The following VEGFA variants were observed in gnomAD, a reference collection of about 807,000 sequenced individuals.
VEGFA encodes vascular endothelial growth factor A, long form.
VEGFA carries 20 observed loss-of-function variants against 49.7 expected under a neutral mutation model. The observed-to-expected ratio is 0.40, with a 90% CI of 0.28 to 0.58. The LOEUF (loss-of-function observed/expected upper bound fraction) is 0.58. Among genes scored for constraint, VEGFA ranks in the 20% least tolerant of loss-of-function variants. The pLI is 0.40. For synonymous variants in VEGFA, 219 were observed against 223.4 expected, an observed-to-expected ratio of 0.98 and a Z score of 0.18; for missense variants, 505 against 553.5, an observed-to-expected ratio of 0.91 and a Z score of 0.88.
chr6:43,770,719 C>CA lies in VEGFA; in HGVS notation c.14dup (p.Thr6AspfsTer79), dbSNP rs1308919157. On this transcript the variant is annotated frameshift_variant, in exon 1 of 8. Transcript: ENST00000672860. LOFTEE classifies it high-confidence loss of function. The stretch of plus-strand genomic sequence containing the variant: ...CTGACCAGTCGCGCTGACGGACAGA[C>CA]AGACAGACACCGCCCCCAGCCCCAG... The CA allele has an allele frequency of 3.2e-6, 5 of 1,544,492 alleles. No homozygotes were observed. Among genetic ancestry groups the CA allele is most frequent in the African/African-American group, 1.4e-5 (1 of 70,510 alleles).
chr6:43,780,703 C>CTCTCTG (rs1441574540), intron 5 of VEGFA, 29 bp from the exon 6 acceptor site: 1 of 1,609,392 alleles, frequency 6.2e-7, no homozygotes, highest in Non-Finnish European at 8.5e-7. Flanking sequence ...CCCCCGCTCT[C>CTCTCTG]TCTCTGTCTC....
rs1582544722 is a variant in VEGFA at position 43,784,734 on chromosome 6, G to A, written c.*172G>A. 9.2e-6 allele frequency: 12 copies of A among 1,298,952 alleles called. No homozygotes were observed. The highest frequency in any genetic ancestry group is 7.3e-5 in the South Asian group (6 of 81,738). 80.5% of individuals were successfully genotyped at this position (1,298,952 alleles called of 1,614,324 possible). On this transcript the variant is annotated 3_prime_UTR_variant, in exon 8 of 8. Transcript: ENST00000672860. Reference sequence around the variant, plus strand: ...GAAATGAAGGAAGAGGAGACTCTGCGCAGAGCACTTTGGGTCCGGAGGGCG... The same window carrying A: ...GAAATGAAGGAAGAGGAGACTCTGCACAGAGCACTTTGGGTCCGGAGGGCG...
chr6:43,770,984 A>C lies in VEGFA; in HGVS notation c.278A>C (p.Glu93Ala), dbSNP rs1763346327. The change falls in exon 1 of 8, where the codon GAG (glutamate) becomes GCG (alanine). Residue 93 changes from glutamate (E) to alanine (A), a missense_variant. Coordinates refer to ENST00000672860, the MANE Select transcript of VEGFA (RefSeq NM_003376.6). ...TCGGGCCGGGAGGAGCCGCAGCCGGAGGAGGGGGAGGAGGAAGAAGAGAAG... is the reference window on the plus strand; with the variant it reads ...TCGGGCCGGGAGGAGCCGCAGCCGGCGGAGGGGGAGGAGGAAGAAGAGAAG... 1 of 1,541,984 alleles carries C rather than the reference A, an allele frequency of 6.5e-7. No homozygotes were observed.
chr6:43,781,754 G>T, intron 6 of VEGFA: 1 of 614,342 alleles, frequency 1.6e-6, no homozygotes, highest in Non-Finnish European at 2.9e-6. Flanking sequence ...TCTTCCTGCG[G>T]CAGGTGTCCT....
At chr6:43,774,577 A>AG in intron 2 of VEGFA, 185 bp downstream of exon 2, 1 of 688,980 alleles carries the variant, frequency 1.5e-6, no homozygotes, top group Non-Finnish European at 2.6e-6. Context: ...TCCGCTGTTC[A>AG]GGTCTCTGCT....
chr6:43,782,733 C>T (rs2128054929), intron 7 of VEGFA: 1 of 164,054 alleles, frequency 6.1e-6, no homozygotes. Context: ...GACTGAGGCT[C>T]CCTCAGGCCA....
At chr6:43,771,551 C>A (rs1211565253) in intron 1 of VEGFA, among the ~76,000 whole-genome samples, 1 of 152,136 alleles carries the variant, frequency 6.6e-6, no homozygotes, top group Non-Finnish European at 1.5e-5. Flanking sequence ...CCGGAGTCAC[C>A]GCACGTACGA....
chr6:43,781,951 T>C lies in VEGFA; in HGVS notation c.1035-5T>C, dbSNP rs1481788808. Reference sequence around the variant, plus strand: ...TTAGATGTCTTTCCTTTTGCCTTTTTGCAGTCCCTGTGGGCCTTGCTCAGA... The same window carrying C: ...TTAGATGTCTTTCCTTTTGCCTTTTCGCAGTCCCTGTGGGCCTTGCTCAGA... On this transcript the variant is annotated splice_polypyrimidine_tract_variant and splice_region_variant and intron_variant, in intron 6 of 7. Transcript: ENST00000672860. 6.2e-7 allele frequency: 1 copy of C among 1,613,964 alleles called. No homozygotes were observed. Among genetic ancestry groups the C allele is most frequent in the Admixed American group, 1.7e-5 (1 of 60,028 alleles).
chr6:43,782,705 G>A lies in VEGFA; in HGVS notation c.1166+618G>A, dbSNP rs574488567. On this transcript the variant is annotated intron_variant, in intron 7 of 7. Transcript: ENST00000672860. ...CCCCTCCGACCTGGGCTCCCTGATA[G>A]GGCTGTCTCCCCGCTCAGACTGAGG... 3.5e-5 allele frequency: 6 copies of A among 173,746 alleles called. No homozygotes were observed. In the South Asian group the frequency reaches 8.1e-4, roughly 23 times the overall value. 10.8% of individuals were successfully genotyped at this position (173,746 alleles called of 1,614,324 possible).
At position 43,777,369 on chromosome 6, in the gene VEGFA, C is replaced by A; in HGVS notation, c.659-100C>A. ...AGATTTTGGAAGGACTTGCCTGATT[C>A]GGAAGCTCCAAAGAGTGGCATTACA... On this transcript the variant is annotated intron_variant, in intron 2 of 7. Transcript: ENST00000672860. The surrounding 1 kb of genome is among the most constrained non-coding windows in gnomAD (Gnocchi z 4.3). 1 of 1,375,690 alleles carries A rather than the reference C, an allele frequency of 7.3e-7. No individual in the cohort carries two copies. Among genetic ancestry groups the A allele is most frequent in the Non-Finnish European group, 1.0e-6 (1 of 979,270 alleles). 85.2% of individuals were successfully genotyped at this position (1,375,690 alleles called of 1,614,324 possible).
Position 43,770,489 on chromosome 6 carries a change from C to T in VEGFA, c.-218C>T. 1.8e-6 allele frequency: 2 copies of T among 1,105,426 alleles called. No homozygotes were observed. The highest frequency in any genetic ancestry group is 2.3e-6 in the Non-Finnish European group (2 of 857,032). The allele number at this position is 1,105,426 out of a possible 1,614,324, so 68.5% of individuals were successfully genotyped here. On this transcript the variant is annotated 5_prime_UTR_variant, in exon 1 of 8. Coordinates refer to ENST00000672860, the MANE Select transcript of VEGFA (RefSeq NM_003376.6). ...CGGCTTGGGGAGATTGCTCTACTTC[C>T]CCAAATCACTGTGGATTTTGGAAAC...
In VEGFA at chr6:43,779,712, G is replaced by A. The variant is rs3025008; in HGVS notation, c.962+794G>A. The A allele has an allele frequency of 7.7e-4, 363 of 469,928 alleles. 2 individuals are homozygous for A. The highest frequency in any genetic ancestry group is 6.7e-3 in the African/African-American group (342 of 50,720). 29.1% of individuals were successfully genotyped at this position (469,928 alleles called of 1,614,324 possible). On this transcript the variant is annotated intron_variant, in intron 5 of 7. Coordinates refer to ENST00000672860, the MANE Select transcript of VEGFA (RefSeq NM_003376.6). ...CCTCAGCTCCCAGCTTCCAGAGCGA[G>A]GGGATGCGGAAACCTTCCTTCCACC...
rs541861422 is a variant in VEGFA at position 43,777,129 on chromosome 6, G to C, written c.659-340G>C. The C allele has an allele frequency of 1.3e-5, 5 of 399,752 alleles. No homozygotes were observed. Among genetic ancestry groups the C allele is most frequent in the South Asian group, 1.1e-4 (5 of 47,398 alleles). 24.8% of individuals were successfully genotyped at this position (399,752 alleles called of 1,614,324 possible). On this transcript the variant is annotated intron_variant, in intron 2 of 7. Coordinates refer to ENST00000672860, the MANE Select transcript of VEGFA (RefSeq NM_003376.6). The surrounding 1 kb of genome is among the most constrained non-coding windows in gnomAD (Gnocchi z 4.3). ...TAGGGAAAGCTTAGAGCATCCCCAT[G>C]GGGTATACCCATACTCAGACTGTCC...
intron 2 of VEGFA, chr6:43,776,250 T>C (rs769114563): frequency 6.6e-6 from 1 of 152,228 alleles, no homozygotes; most frequent in South Asian, 2.1e-4. Context: ...CCCAAGGTCA[T>C]ACCAACTCAT....
chr6:43,778,826 C>T (rs1167418383), intron 4 of VEGFA, 63 bp from the exon 5 acceptor site: 1 of 1,553,650 alleles, frequency 6.4e-7, no homozygotes, highest in African/African-American at 1.4e-5. Context: ...TTATCCCTAT[C>T]ATTATCATCA....
intron 4 of VEGFA, 162 bp downstream of exon 4, chr6:43,778,698 G>A: frequency 1.0e-6 from 1 of 985,006 alleles, no homozygotes; most frequent in Non-Finnish European, 1.6e-6. Flanking sequence ...CTGTAAAATG[G>A]GCACAATAGT....
At position 43,773,157 on chromosome 6, in the gene VEGFA, G is replaced by C. The variant is rs1764170828; in HGVS notation, c.607-1184G>C. 6.5e-6 allele frequency: 1 copy of C among 152,858 alleles called. No individual in the cohort carries two copies. The highest frequency in any genetic ancestry group is 1.5e-5 in the Non-Finnish European group (1 of 68,342). 9.5% of individuals were successfully genotyped at this position (152,858 alleles called of 1,614,324 possible). A position where few individuals can be genotyped will look rare whatever the true frequency, so the allele number is the denominator to read the frequency against. ...TGGTAACTGTTGTTTTCTCTTGAGA[G>C]GGGCTTCCTGTGACCTTGGCTGTCT... On this transcript the variant is annotated intron_variant, in intron 1 of 7. Coordinates refer to ENST00000672860, the MANE Select transcript of VEGFA (RefSeq NM_003376.6). The surrounding 1 kb of genome is among the most constrained non-coding windows in gnomAD (Gnocchi z 5.6).
At chr6:43,781,731 G>A (rs1056826482) in intron 6 of VEGFA, 11 of 535,200 alleles carry the variant, frequency 2.1e-5, no homozygotes, top group East Asian at 7.3e-5. Context: ...CTCTCTGCCC[G>A]TCTGTGCCCG....
chr6:43,771,056 G>T lies in VEGFA; in HGVS notation c.350G>T (p.Gly117Val). 6.6e-7 allele frequency: 1 copy of T among 1,516,544 alleles called. No individual in the cohort carries two copies. The allele number at this position is 1,516,544 out of a possible 1,614,324, so 93.9% of individuals were successfully genotyped here. ...TGGCGACTCGGCGCTCGGAAGCCGG[G>T]CTCATGGACGGGTGAGGCGGCGGTG... The change falls in exon 1 of 8, where the codon GGC (glycine) becomes GTC (valine). Residue 117 changes from glycine to valine, a missense_variant. Around this residue, in one of 2 missense-constraint regions of VEGFA, gnomAD observed 340 missense variants for 321.8 expected, o/e 1.06. Coordinates refer to ENST00000672860, the MANE Select transcript of VEGFA (RefSeq NM_003376.6).
Sources: allele counts gnomAD v4.1 joint callset (sites outside exome capture counted in the v4.1 genomes callset), GRCh38; gene constraint gnomAD v4.1.1; regional missense constraint gnomAD v4.1.1; non-coding constraint Gnocchi (gnomAD v3.1); transcripts MANE v1.5; gene names NCBI Gene and HGNC (gene_info 2026-07-23, HGNC 2026-07-21).